SAR1A: variants seen among roughly 807,000 people sequenced by gnomAD.
The protein encoded by SAR1A is secretion associated Ras related GTPase 1A.
SAR1A carries 6 observed loss-of-function variants against 22.6 expected under a neutral mutation model. The observed-to-expected ratio is 0.27, with a 90% CI of 0.15 to 0.52. The LOEUF (loss-of-function observed/expected upper bound fraction) is 0.52, where lower values mean the gene tolerates loss of function less well. SAR1A is among the 20% of genes least tolerant of loss of function. The pLI, the probability that SAR1A is intolerant of heterozygous loss-of-function variation, is 0.96. For missense variants in SAR1A, 145 were observed against 245.1 expected (o/e 0.59, Z 2.73); for synonymous variants, 70 against 82.2 (o/e 0.85, Z 0.80).
chr10:70,161,133 T>C (rs1194379355), intron 3 of SAR1A, 64 bp from the exon 4 acceptor site: 3 of 1,107,970 alleles, frequency 2.7e-6, no homozygotes, highest in African/African-American at 3.1e-5. Flanking sequence ...CTACTAGTAC[T>C]ATAAGCCAAT....
chr10:70,167,365 C>G (rs928365379), intron 1 of SAR1A: 1 of 152,016 alleles, frequency 6.6e-6, no homozygotes, highest in African/African-American at 2.4e-5. Context: ...CAACTGCATT[C>G]AAAATTTTCA....
chr10:70,160,070 T>G (rs1301736432), intron 4 of SAR1A, among the ~76,000 whole-genome samples: 1 of 152,182 alleles, frequency 6.6e-6, no homozygotes, highest in Non-Finnish European at 1.5e-5. Context: ...CTTATAAATA[T>G]TTAATTTCCT....
At chr10:70,164,144 ATG>A in intron 1 of SAR1A, 1 of 694,966 alleles carries the variant, frequency 1.4e-6, no homozygotes, top group Non-Finnish European at 2.7e-6. Flanking sequence ...CTTGTACAGA[ATG>A]TGTTAAATTT....
Position 70,152,060 on chromosome 10 carries a change from G to T in SAR1A, c.*416C>A. On this transcript the variant is annotated 3_prime_UTR_variant, in exon 7 of 7. Coordinates refer to ENST00000373241, the MANE Select transcript of SAR1A (RefSeq NM_020150.5). Reference sequence around the variant, plus strand: ...ATTAGTTTAAAAAAAAAAAAGAATAGAAAACTCTGGACCAAGTAAATTGTG... The same window carrying T: ...ATTAGTTTAAAAAAAAAAAAGAATATAAAACTCTGGACCAAGTAAATTGTG... The T allele has an allele frequency of 5.0e-6, 1 of 198,884 alleles. No individual in the cohort carries two copies. Among genetic ancestry groups the T allele is most frequent in the Non-Finnish European group, 1.1e-5 (1 of 94,262 alleles). The allele number at this position is 198,884 out of a possible 1,614,324, so 12.3% of individuals were successfully genotyped here.
At chr10:70,163,469 A>G (rs1033976756) in intron 1 of SAR1A, among the ~76,000 whole-genome samples, 2 of 152,244 alleles carry the variant, frequency 1.3e-5, no homozygotes, top group African/African-American at 4.8e-5. Flanking sequence ...GGGCTAATGC[A>G]AGGTGACTTT....
chr10:70,166,535 T>A (rs1054631171), intron 1 of SAR1A, among the ~76,000 whole-genome samples: 2 of 152,180 alleles, frequency 1.3e-5, no homozygotes, highest in Non-Finnish European at 2.9e-5. Context: ...ACCAATGTTA[T>A]CTCAATATTT....
chr10:70,166,477 A>C (rs1200782261), intron 1 of SAR1A, among the ~76,000 whole-genome samples: 2 of 152,198 alleles, frequency 1.3e-5, no homozygotes, highest in African/African-American at 2.4e-5. Flanking sequence ...TAAAAAACAA[A>C]AGTCACCCAA....
intron 2 of SAR1A, 50 bp downstream of exon 2, chr10:70,161,808 G>A: frequency 6.2e-7 from 1 of 1,612,986 alleles, no homozygotes; most frequent in East Asian, 2.2e-5. Context: ...TTAAATTACT[G>A]AGGGAAAGGC....
intron 1 of SAR1A, among the ~76,000 whole-genome samples, chr10:70,163,231 C>T (rs1839500202): frequency 6.6e-6 from 1 of 152,094 alleles, no homozygotes; most frequent in Non-Finnish European, 1.5e-5. Context: ...AGCCTTATTG[C>T]TGATAAAAAA....
In SAR1A at chr10:70,152,353, T is replaced by C; in HGVS notation, c.*123A>G. 1 of 939,636 alleles carries C rather than the reference T, an allele frequency of 1.1e-6. No individual in the cohort carries two copies. The highest frequency in any genetic ancestry group is 1.9e-5 in the Admixed American group (1 of 52,272). The allele number at this position is 939,636 out of a possible 1,614,324, so 58.2% of individuals were successfully genotyped here. On this transcript the variant is annotated 3_prime_UTR_variant, in exon 7 of 7. Transcript: ENST00000373241. ...GCAATGAGAGAGTTGACAGAGACTCTTGGCTTCTCAACGCCAGACATGGTT... is the reference window on the plus strand; with the variant it reads ...GCAATGAGAGAGTTGACAGAGACTCCTGGCTTCTCAACGCCAGACATGGTT...
chr10:70,158,366 T>C (rs1839421334), intron 4 of SAR1A, among the ~76,000 whole-genome samples: 1 of 152,218 alleles, frequency 6.6e-6, no homozygotes, highest in Non-Finnish European at 1.5e-5. Context: ...AGCCAACTTG[T>C]GTGTAGGCGT....
At position 70,151,875 on chromosome 10, in the gene SAR1A, T is replaced by C. The variant is rs922709475; in HGVS notation, c.*601A>G. The stretch of plus-strand genomic sequence containing the variant: ...GTTCTGCCCCTTTTCTAGTTCTCTG[T>C]GCACAAGGTTATGCCACCTACTCCA... On this transcript the variant is annotated 3_prime_UTR_variant, in exon 7 of 7. Transcript: ENST00000373241. 1 of 156,202 alleles carries C rather than the reference T, an allele frequency of 6.4e-6. No individual in the cohort carries two copies. The highest frequency in any genetic ancestry group is 1.4e-5 in the Non-Finnish European group (1 of 70,644). 9.7% of individuals were successfully genotyped at this position (156,202 alleles called of 1,614,324 possible). A position where few individuals can be genotyped will look rare whatever the true frequency, so the allele number is the denominator to read the frequency against.
At chr10:70,163,340 T>C (rs1839501517) in intron 1 of SAR1A, among the ~76,000 whole-genome samples, 2 of 152,324 alleles carry the variant, frequency 1.3e-5, no homozygotes, top group East Asian at 3.9e-4. Context: ...AAACAACACA[T>C]TTTCAATGTA....
intron 5 of SAR1A, among the ~76,000 whole-genome samples, chr10:70,156,705 G>A (rs9971029): frequency 0.36 from 54,682 of 150,552 alleles, 10,491 homozygotes; most frequent in Non-Finnish European, 0.4. Context: ...TAAAGACTGC[G>A]TGGCAGGCAA....
At chr10:70,160,731 G>C (rs953019147) in intron 4 of SAR1A, among the ~76,000 whole-genome samples, 1 of 152,148 alleles carries the variant, frequency 6.6e-6, no homozygotes, top group African/African-American at 2.4e-5. Context: ...ATACTTAAAA[G>C]TTCATGAATA....
At chr10:70,161,277 C>A (rs1839464766) in intron 3 of SAR1A, 1 of 553,420 alleles carries the variant, frequency 1.8e-6, no homozygotes, top group South Asian at 2.4e-5. Flanking sequence ...CCAGCCCAGG[C>A]AACGCCCCAC....
chr10:70,164,185 G>A (rs1398184069), intron 1 of SAR1A: 1 of 628,482 alleles, frequency 1.6e-6, no homozygotes, highest in African/African-American at 1.8e-5. Context: ...TTTGCCTTTT[G>A]TTTGTAACTT....
intron 1 of SAR1A, among the ~76,000 whole-genome samples, chr10:70,162,304 C>T (rs1839479991): frequency 6.7e-6 from 1 of 149,002 alleles, no homozygotes. Context: ...GGTGCCACTG[C>T]ACTCACTTGG....
chr10:70,160,992 G>A lies in SAR1A; in HGVS notation c.244+12C>T, dbSNP rs760935201. 1.9e-6 allele frequency: 3 copies of A among 1,604,748 alleles called. No individual in the cohort carries two copies. The highest frequency in any genetic ancestry group is 2.2e-5 in the South Asian group (2 of 90,110). ...AGTCAATAAACATGCTTTCCACTGA[G>A]TCATCACTTACCTTGCTCGTGCCCA... On this transcript the variant is annotated intron_variant, in intron 4 of 6. Coordinates refer to ENST00000373241, the MANE Select transcript of SAR1A (RefSeq NM_020150.5).
Sources: allele counts gnomAD v4.1 joint callset (sites outside exome capture counted in the v4.1 genomes callset), GRCh38; gene constraint gnomAD v4.1.1; transcripts MANE v1.5; gene names NCBI Gene and HGNC (gene_info 2026-07-23, HGNC 2026-07-21).